The following SRD5A1 variants were observed in gnomAD, a reference collection of about 807,000 sequenced individuals.
The protein encoded by SRD5A1 is steroid 5 alpha-reductase 1.
In SRD5A1, 22 loss-of-function variants were observed where a neutral mutation model predicts 28.2. The observed-to-expected ratio is 0.78, with a 90% CI of 0.56 to 1.12. The LOEUF (loss-of-function observed/expected upper bound fraction) is 1.12. Among genes scored for constraint, SRD5A1 ranks in the 50% most tolerant of loss-of-function variants. The pLI, the probability that SRD5A1 is intolerant of heterozygous loss-of-function variation, is 0.00. For synonymous variants in SRD5A1, 151 were observed against 135.0 expected (o/e 1.12, Z -0.82); for missense variants, 300 against 346.7 (o/e 0.87, Z 1.07).
chr5:6,633,754 G>A lies in SRD5A1; in HGVS notation c.178G>A (p.Glu60Lys), dbSNP rs755739402. Residue 60 changes from glutamate to lysine, a missense_variant, in exon 1 of 5, where the codon GAG becomes AAG. Around this residue, in one of 2 missense-constraint regions of SRD5A1, gnomAD observed 174 missense variants for 160.9 expected, o/e 1.08. Transcript: ENST00000274192. ...VPARAAWVVQ[E>K]LPSLALPLYQ... ...GGCGCGGGCCGCCTGGGTGGTGCAG[G>A]AGCTGCCCTCGCTGGCCCTGCCGCT... 1 of 1,596,806 alleles carries A rather than the reference G, an allele frequency of 6.3e-7. No homozygotes were observed. Among genetic ancestry groups the A allele is most frequent in the African/African-American group, 1.3e-5 (1 of 74,910 alleles).
rs140569241 is a variant in SRD5A1, at chr5:6,651,930, G to A, written c.382G>A (p.Gly128Ser). The part of the protein sequence containing the change: ...TMAIMFCTCN[G>S]YLQSRYLSHC... ...GGCGATTATGTTCTGTACCTGTAAC[G>A]GCTATTTGCAAAGCAGATACTTGAG... Residue 128 changes from glycine (G) to serine (S), a missense_variant, in exon 2 of 5, where the codon GGC (glycine) becomes AGC (serine). Physicochemically the swap from Gly to Ser is moderately conservative, Grantham distance 56. Coordinates refer to ENST00000274192, the MANE Select transcript of SRD5A1 (RefSeq NM_001047.4). 1,329 of 1,614,064 alleles carry A rather than the reference G, an allele frequency of 8.2e-4. 7 individuals are homozygous for A. The highest frequency in any genetic ancestry group is 7.2e-3 in the African/African-American group (543 of 75,038).
intron 4 of SRD5A1, among the ~76,000 whole-genome samples, chr5:6,663,196 A>G (rs183883954): frequency 6.6e-6 from 1 of 152,316 alleles, no homozygotes. Context: ...GCCTCTCTGA[A>G]TTGACAGTGC....
intron 1 of SRD5A1, among the ~76,000 whole-genome samples, chr5:6,642,024 T>C (rs1226272460): frequency 6.6e-6 from 1 of 152,232 alleles, no homozygotes; most frequent in Admixed American, 6.5e-5. Context: ...TGGGTAGGTA[T>C]TTACGATGAG....
intron 3 of SRD5A1, among the ~76,000 whole-genome samples, chr5:6,662,561 G>T (rs999045294): frequency 1.3e-5 from 2 of 152,214 alleles, no homozygotes; most frequent in Non-Finnish European, 2.9e-5. Context: ...GTTTATTGGT[G>T]TCTTCCACTG....
chr5:6,642,217 C>CTT (rs8192165), intron 1 of SRD5A1, among the ~76,000 whole-genome samples: 90,423 of 151,828 alleles, frequency 0.6, 27,566 homozygotes, highest in African/African-American at 0.72. Context: ...ATGTTCCTCT[C>CTT]AGTGTTGATC....
chr5:6,633,788 A>G lies in SRD5A1; in HGVS notation c.212A>G (p.Tyr71Cys). 6.3e-7 allele frequency: 1 copy of G among 1,597,716 alleles called. No homozygotes were observed. The change falls in exon 1 of 5, where the codon TAC becomes TGC. Residue 71 changes from tyrosine to cysteine, a missense_variant. Tyr to Cys is a radical substitution (Grantham distance 194). Around this residue, in one of 2 missense-constraint regions of SRD5A1, gnomAD observed 174 missense variants for 160.9 expected, o/e 1.08. Coordinates refer to ENST00000274192, the MANE Select transcript of SRD5A1 (RefSeq NM_001047.4). ...LPSLALPLYQ[Y>C]ASESAPRLRS... is the part of the protein sequence containing the mutation. ...TCGCTGGCCCTGCCGCTCTACCAGT[A>G]CGCCAGCGAGTCCGCCCCGCGTCTC...
chr5:6,647,374 G>T (rs1326657819), intron 1 of SRD5A1, among the ~76,000 whole-genome samples: 2 of 152,042 alleles, frequency 1.3e-5, no homozygotes, highest in African/African-American at 4.8e-5. Context: ...TTGACAGTGG[G>T]GTGTTAAAGT....
In SRD5A1 at chr5:6,634,505, C is replaced by G. The variant is rs8192129; in HGVS notation, c.293+636C>G. On this transcript the variant is annotated intron_variant, in intron 1 of 4. Transcript: ENST00000274192. ...TTTCTACTCCTTTCTGCCGGTTCCC[C>G]TTTTGGTATCTTTGGTGATGGTGGA... Among the ~76,000 whole-genome samples the G allele has an allele frequency of 6.8e-3, 1,040 of 152,228 alleles. 8 individuals carry two copies. Among genetic ancestry groups the G allele is most frequent in the African/African-American group, 0.024 (1,005 of 41,516 alleles).
Position 6,673,355 on chromosome 5 carries a change from A to T in SRD5A1, c.*5087A>T, listed in dbSNP as rs539899896. The T allele has an allele frequency of 6.6e-6, 1 of 152,342 alleles. No individual in the cohort carries two copies. Among genetic ancestry groups the T allele is most frequent in the East Asian group, 1.9e-4 (1 of 5,186 alleles). The allele number at this position is 152,342 out of a possible 1,614,324, so 9.4% of individuals were successfully genotyped here. ...GATAACATGCTCAGCATCATATGAC[A>T]TTAGGGGATTGCAAATTGAAACAAC... is the stretch of plus-strand genomic sequence containing the variant. On this transcript the variant is annotated 3_prime_UTR_variant, in exon 5 of 5. Transcript: ENST00000274192.
chr5:6,651,672 TAAAATC>T (rs1738675295), intron 1 of SRD5A1, among the ~76,000 whole-genome samples, 164 bp from the exon 2 acceptor site: 1 of 152,036 alleles, frequency 6.6e-6, no homozygotes, highest in African/African-American at 2.4e-5. Flanking sequence ...AAAATAAAAT[TAAAATC>T]AAAATCCACT....
intron 4 of SRD5A1, among the ~76,000 whole-genome samples, chr5:6,664,895 G>A (rs562737066): frequency 2.6e-5 from 4 of 152,368 alleles, no homozygotes; most frequent in East Asian, 1.9e-4. Flanking sequence ...AGGGGTCTGC[G>A]GAAAGTTGAG....
chr5:6,668,546 CTA>C lies in SRD5A1; in HGVS notation c.*280_*281del. ...CTAATTTCAAATTTACCTCTTTTGG[CTA>C]TGTCTTGCCAAGTGTGTATGAGACT... On this transcript the variant is annotated 3_prime_UTR_variant, in exon 5 of 5. Coordinates refer to ENST00000274192, the MANE Select transcript of SRD5A1 (RefSeq NM_001047.4). 3.5e-6 allele frequency: 1 copy of C among 287,928 alleles called. No individual in the cohort carries two copies. Among genetic ancestry groups the C allele is most frequent in the Non-Finnish European group, 6.5e-6 (1 of 153,432 alleles). 17.8% of individuals were successfully genotyped at this position (287,928 alleles called of 1,614,324 possible).
chr5:6,641,005 T>G (rs1738341505), intron 1 of SRD5A1, among the ~76,000 whole-genome samples: 1 of 152,164 alleles, frequency 6.6e-6, no homozygotes, highest in Admixed American at 6.5e-5. Context: ...TGATTTTGGG[T>G]GCGAATGGGA....
chr5:6,650,601 T>C (rs1230363450), intron 1 of SRD5A1, among the ~76,000 whole-genome samples: 1 of 152,026 alleles, frequency 6.6e-6, no homozygotes, highest in African/African-American at 2.4e-5. Context: ...TTTAGTAAAA[T>C]GCACCTAAGC....
At chr5:6,665,378 T>C (rs1739137937) in intron 4 of SRD5A1, among the ~76,000 whole-genome samples, 2 of 152,254 alleles carry the variant, frequency 1.3e-5, no homozygotes, top group African/African-American at 2.4e-5. Context: ...AGGGAACTGA[T>C]ACGCCAGCCT....
intron 2 of SRD5A1, among the ~76,000 whole-genome samples, chr5:6,655,583 A>G (rs1738808020): frequency 6.6e-6 from 1 of 152,194 alleles, no homozygotes; most frequent in Non-Finnish European, 1.5e-5. Context: ...AAATAAGAGA[A>G]GACCAGAGAT....
intron 2 of SRD5A1, among the ~76,000 whole-genome samples, chr5:6,652,873 C>CA (rs11343625): frequency 0.17 from 16,555 of 95,054 alleles, 1,430 homozygotes; most frequent in East Asian, 0.26. Context: ...GACTCTGTCT[C>CA]AAAAAAAAAA....
intron 4 of SRD5A1, among the ~76,000 whole-genome samples, chr5:6,664,079 A>C (rs1299196872): frequency 6.6e-6 from 1 of 152,072 alleles, no homozygotes; most frequent in African/African-American, 2.4e-5. Context: ...TAAATGATGG[A>C]GACTGGGCTT....
chr5:6,639,692 A>T (rs1738303783), intron 1 of SRD5A1, among the ~76,000 whole-genome samples: 1 of 152,246 alleles, frequency 6.6e-6, no homozygotes, highest in African/African-American at 2.4e-5. Context: ...AATTGAATTT[A>T]GCCCAGGAAA....
Sources: gnomAD v4.1 joint callset for allele counts (sites outside exome capture counted in the v4.1 genomes callset) on GRCh38, gnomAD v4.1.1 for gene constraint, gnomAD v4.1.1 regional missense constraint, MANE v1.5 for transcripts, NCBI Gene and HGNC (gene_info 2026-07-23, HGNC 2026-07-21) for gene names.